Variants in SYT11 observed in about 807,000 individuals in gnomAD.
The protein encoded by SYT11 is synaptotagmin-11.
In SYT11, 12 loss-of-function variants were observed where a neutral mutation model predicts 30.4. The ratio of observed to expected loss-of-function variants is 0.39; its 90% confidence interval spans 0.25 to 0.64. The LOEUF is 0.64. Among genes scored for constraint, SYT11 ranks in the 30% least tolerant of loss-of-function variants. The pLI is 0.45. For missense variants in SYT11, 412 were observed against 552.0 expected (o/e 0.75, Z 2.54); for synonymous variants, 204 against 216.0 (o/e 0.94, Z 0.49).
chr1:155,863,294 T>G (rs1050208279), intron 1 of SYT11, among the ~76,000 whole-genome samples: 1 of 151,428 alleles, frequency 6.6e-6, no homozygotes, highest in African/African-American at 2.4e-5. Context: ...CTAAAAAAAA[T>G]TTTTTTTAAT....
At chr1:155,862,653 C>G (rs1008195667) in intron 1 of SYT11, among the ~76,000 whole-genome samples, 1 of 152,228 alleles carries the variant, frequency 6.6e-6, no homozygotes, top group African/African-American at 2.4e-5. Context: ...CTCCACCGCA[C>G]TGCTGCAGGG....
At chr1:155,866,937 T>C (rs974911998) in intron 1 of SYT11, among the ~76,000 whole-genome samples, 1 of 150,294 alleles carries the variant, frequency 6.7e-6, no homozygotes, top group Non-Finnish European at 1.5e-5. Context: ...CATATATACA[T>C]ATATACACAC....
In SYT11 at chr1:155,881,320, G is replaced by C. The variant is rs1209106970; in HGVS notation, c.1108G>C (p.Asp370His). ...NESFIYDIPT[D>H]LLPDISIEFL... ...ATCTTTCATCTACGACATCCCCACT[G>C]ACCTCCTGCCTGATATCAGCATCGA... The change falls in exon 4 of 4, where the codon GAC becomes CAC. Residue 370 changes from aspartate (D) to histidine (H), a missense_variant. Transcript: ENST00000368324. 1 of 1,614,162 alleles carries C rather than the reference G, an allele frequency of 6.2e-7. No homozygotes were observed. Among genetic ancestry groups the C allele is most frequent in the Non-Finnish European group, 8.5e-7 (1 of 1,180,026 alleles).
At chr1:155,861,986 TCTA>T (rs1672599629) in intron 1 of SYT11, among the ~76,000 whole-genome samples, 1 of 152,226 alleles carries the variant, frequency 6.6e-6, no homozygotes, top group African/African-American at 2.4e-5. Context: ...ATTATATTTG[TCTA>T]CTTGACTGCG....
intron 1 of SYT11, among the ~76,000 whole-genome samples, chr1:155,863,604 A>T (rs1672625225): frequency 6.6e-6 from 1 of 152,254 alleles, no homozygotes; most frequent in Non-Finnish European, 1.5e-5. Context: ...TGGGCAATAT[A>T]GTGAAGACTC....
intron 1 of SYT11, among the ~76,000 whole-genome samples, chr1:155,865,485 G>A (rs943154309): frequency 6.6e-6 from 1 of 151,918 alleles, no homozygotes; most frequent in Non-Finnish European, 1.5e-5. Flanking sequence ...AAAATTAGCC[G>A]GACATGGTGG....
chr1:155,883,680 C>T lies in SYT11; in HGVS notation c.*2172C>T, dbSNP rs1325674497. ...AAAGGTTAGTTGAGACTGAAGTGTT[C>T]ACTTCCATAGAAGAACATCACTTTT... On this transcript the variant is annotated 3_prime_UTR_variant, in exon 4 of 4. Transcript: ENST00000368324. 1 of 152,158 alleles carries T rather than the reference C, an allele frequency of 6.6e-6. No individual in the cohort carries two copies. The highest frequency in any genetic ancestry group is 2.4e-5 in the African/African-American group (1 of 41,440). The allele number at this position is 152,158 out of a possible 1,614,324, so 9.4% of individuals were successfully genotyped here.
chr1:155,871,752 C>A (rs1278654490), intron 2 of SYT11, among the ~76,000 whole-genome samples: 1 of 152,208 alleles, frequency 6.6e-6, no homozygotes, highest in Non-Finnish European at 1.5e-5. Flanking sequence ...CAGCCCCACC[C>A]TAGAGCCTTC....
rs1673035971 is a variant in SYT11 at position 155,884,486 on chromosome 1, T to C, written c.*2978T>C. 1 of 152,914 alleles carries C rather than the reference T, an allele frequency of 6.5e-6. No homozygotes were observed. Among genetic ancestry groups the C allele is most frequent in the East Asian group, 1.9e-4 (1 of 5,346 alleles). The allele number at this position is 152,914 out of a possible 1,614,324, so 9.5% of individuals were successfully genotyped here. ...CCTCAGGCCTGATCCATCGTGCCCT[T>C]GACTTTGCCGTCTCAAAGTTTCTTA... is the stretch of plus-strand genomic sequence containing the variant. On this transcript the variant is annotated 3_prime_UTR_variant, in exon 4 of 4. Transcript: ENST00000368324.
chr1:155,859,917 A>C, intron 1 of SYT11, 122 bp downstream of exon 1: 1 of 979,486 alleles, frequency 1.0e-6, no homozygotes. Flanking sequence ...GCCCCACTAA[A>C]ATCGGGCCTG....
intron 2 of SYT11, 139 bp from the exon 3 acceptor site, chr1:155,880,361 C>T (rs1672940392): frequency 4.4e-6 from 4 of 902,124 alleles, no homozygotes; most frequent in Non-Finnish European, 1.6e-6. Context: ...AACACCTTTC[C>T]AGGGGATGAG....
intron 3 of SYT11, 62 bp from the exon 4 acceptor site, chr1:155,881,136 A>G: frequency 6.6e-7 from 1 of 1,513,808 alleles, no homozygotes; most frequent in Non-Finnish European, 8.9e-7. Context: ...AATTACCATT[A>G]CATAGGAGAG....
At chr1:155,875,792 A>G (rs765063003) in intron 2 of SYT11, among the ~76,000 whole-genome samples, 2 of 152,202 alleles carry the variant, frequency 1.3e-5, no homozygotes, top group Non-Finnish European at 2.9e-5. Context: ...ATCATGTGAA[A>G]TATCACAGTT....
At chr1:155,872,933 T>C (rs1268354021) in intron 2 of SYT11, among the ~76,000 whole-genome samples, 1 of 152,004 alleles carries the variant, frequency 6.6e-6, no homozygotes, top group Non-Finnish European at 1.5e-5. Flanking sequence ...TGAGGAGTGA[T>C]TTTAAGGGAG....
intron 2 of SYT11, among the ~76,000 whole-genome samples, chr1:155,878,969 A>T (rs1443326373): frequency 6.6e-6 from 1 of 152,176 alleles, no homozygotes; most frequent in African/African-American, 2.4e-5. Context: ...GCACTTAGAC[A>T]GGCTTCTCAT....
rs1403199354 is a variant in SYT11, at chr1:155,884,560, G to A, written c.*3052G>A. 6.5e-6 allele frequency: 1 copy of A among 152,814 alleles called. No homozygotes were observed. Among genetic ancestry groups the A allele is most frequent in the African/African-American group, 2.4e-5 (1 of 41,472 alleles). 9.5% of individuals were successfully genotyped at this position (152,814 alleles called of 1,614,324 possible). A position where few individuals can be genotyped will look rare whatever the true frequency, so the allele number is the denominator to read the frequency against. Reference sequence around the variant, plus strand: ...TTCTTTCCAGAGCTAACTGATAAGAGTGGAGGAGGAATGCCTTCTCCTAAG... The same window carrying A: ...TTCTTTCCAGAGCTAACTGATAAGAATGGAGGAGGAATGCCTTCTCCTAAG... On this transcript the variant is annotated 3_prime_UTR_variant, in exon 4 of 4. Transcript: ENST00000368324.
intron 2 of SYT11, among the ~76,000 whole-genome samples, chr1:155,869,756 G>A (rs889817421): frequency 1.3e-5 from 2 of 152,080 alleles, no homozygotes; most frequent in South Asian, 4.1e-4. Context: ...CCACTGGACC[G>A]ACATTGGCTC....
At chr1:155,880,770 G>A (rs1672947775) in intron 3 of SYT11, 147 bp downstream of exon 3, 1 of 963,666 alleles carries the variant, frequency 1.0e-6, no homozygotes, top group East Asian at 2.5e-5. Context: ...TTCCTGATGA[G>A]TATCTACGTC....
At chr1:155,880,335 T>C (rs993634833) in intron 2 of SYT11, among the ~76,000 whole-genome samples, 165 bp from the exon 3 acceptor site, 4 of 152,204 alleles carry the variant, frequency 2.6e-5, no homozygotes, top group African/African-American at 9.7e-5. Flanking sequence ...TCTCCCTCCT[T>C]GTTAAATAAA....
Sources: allele counts gnomAD v4.1 joint callset (sites outside exome capture counted in the v4.1 genomes callset), GRCh38; gene constraint gnomAD v4.1.1; transcripts MANE v1.5; gene names NCBI Gene and HGNC (gene_info 2026-07-23, HGNC 2026-07-21).